The following MAPKBP1 variants were observed in gnomAD, a reference collection of about 807,000 sequenced individuals.
MAPKBP1 encodes the protein mitogen-activated protein kinase-binding protein 1.
MAPKBP1 carries 71 observed loss-of-function variants against 170.5 expected under a neutral mutation model. That is an observed-to-expected ratio of 0.42 (90% CI 0.34 to 0.51). The LOEUF (loss-of-function observed/expected upper bound fraction) is 0.51. Ranked by LOEUF, MAPKBP1 falls within the 20% of genes least tolerant of loss-of-function variation. The pLI, the probability that MAPKBP1 is intolerant of heterozygous loss-of-function variation, is 0.06. For synonymous variants in MAPKBP1, 719 were observed against 757.9 expected (o/e 0.95, Z 0.84); for missense variants, 1,598 against 1,933.0 (o/e 0.83, Z 3.25).
rs1491473618 is a variant in MAPKBP1 at position 41,808,123 on chromosome 15, T to TG, written c.207-2759dup. Among the ~76,000 whole-genome samples, 3 of 99,800 alleles carry TG rather than the reference T, an allele frequency of 3.0e-5. No homozygotes were observed. In the Admixed American group the frequency reaches 3.2e-4, roughly 11 times the overall value. 65.5% of individuals were successfully genotyped at this position (99,800 alleles called of 152,430 possible). A position where few individuals can be genotyped will look rare whatever the true frequency, so the allele number is the denominator to read the frequency against. On this transcript the variant is annotated intron_variant, in intron 3 of 30. Coordinates refer to ENST00000457542, the MANE Select transcript of MAPKBP1 (RefSeq NM_014994.3). ...TTTCTTTCTTTTTTTTTTTTTTTTT[T>TG]GTAGACCTAGTCTCGCTCTGTCACC...
chr15:41,822,790 C>A (rs2065022972), intron 27 of MAPKBP1, 113 bp downstream of exon 27: 5 of 1,474,390 alleles, frequency 3.4e-6, no homozygotes, highest in African/African-American at 2.8e-5. Context: ...TTTTGCACTC[C>A]CAGTTTTGGG....
intron 2 of MAPKBP1, among the ~76,000 whole-genome samples, chr15:41,784,290 T>C (rs959340328): frequency 1.3e-5 from 2 of 152,148 alleles, no homozygotes; most frequent in Non-Finnish European, 2.9e-5. Context: ...ACAGCAGCTG[T>C]CACTGAGATA....
At chr15:41,819,547 C>CAGGGGG (rs765528665) in intron 21 of MAPKBP1, 48 bp from the exon 22 acceptor site, 19 of 1,235,824 alleles carry the variant, frequency 1.5e-5, no homozygotes, top group Middle Eastern at 2.3e-4. Flanking sequence ...GGTTGGGTGG[C>CAGGGGG]GGGGGGGGGG....
At chr15:41,813,598 G>C (rs2064841205) in intron 8 of MAPKBP1, 23 bp from the exon 9 acceptor site, 1 of 1,610,036 alleles carries the variant, frequency 6.2e-7, no homozygotes, top group Non-Finnish European at 8.5e-7. Context: ...TGGCCTTGCT[G>C]AGCTGAGCCA....
intron 2 of MAPKBP1, among the ~76,000 whole-genome samples, chr15:41,790,910 T>C (rs763201390): frequency 5.5e-4 from 84 of 152,336 alleles, no homozygotes; most frequent in Middle Eastern, 3.4e-3. Context: ...CCCTACTGTC[T>C]AAGTCTCTGC....
intron 3 of MAPKBP1, among the ~76,000 whole-genome samples, chr15:41,802,742 G>A (rs977311145): frequency 1.3e-5 from 2 of 152,146 alleles, no homozygotes; most frequent in African/African-American, 4.8e-5. Context: ...CCAAAGTGCT[G>A]GCATTACAGG....
chr15:41,821,381 C>G, intron 23 of MAPKBP1: 2 of 614,040 alleles, frequency 3.3e-6, no homozygotes, highest in Non-Finnish European at 5.7e-6. Context: ...TCCAGAAGCT[C>G]ACATCAGCAA....
intron 5 of MAPKBP1, chr15:41,811,563 T>G (rs895013947): frequency 4.7e-6 from 3 of 632,024 alleles, no homozygotes; most frequent in Non-Finnish European, 2.9e-6. Context: ...AACCACTGCC[T>G]TAACTATTCC....
chr15:41,821,532 A>C (rs1360787083), intron 23 of MAPKBP1, 52 bp from the exon 24 acceptor site: 11 of 1,555,158 alleles, frequency 7.1e-6, no homozygotes, highest in Non-Finnish European at 9.7e-6. Context: ...CCCAGCTACC[A>C]CTGCCTCATC....
chr15:41,780,723 C>T (rs145166904), intron 2 of MAPKBP1, among the ~76,000 whole-genome samples: 255 of 151,298 alleles, frequency 1.7e-3, no homozygotes, highest in African/African-American at 5.8e-3. Flanking sequence ...GTGTTTATTA[C>T]CCCATTTGTG....
intron 2 of MAPKBP1, among the ~76,000 whole-genome samples, chr15:41,786,570 GT>G: frequency 6.6e-6 from 1 of 150,840 alleles, no homozygotes; most frequent in Non-Finnish European, 1.5e-5. Flanking sequence ...AGAGACCATT[GT>G]GGCTAACACG....
At chr15:41,815,506 C>CA in intron 11 of MAPKBP1, 101 bp downstream of exon 11, 2 of 1,556,600 alleles carry the variant, frequency 1.3e-6, no homozygotes, top group Non-Finnish European at 8.7e-7. Context: ...CCTTGGCCTT[C>CA]CAGCCTTCAT....
intron 2 of MAPKBP1, among the ~76,000 whole-genome samples, chr15:41,788,488 G>T (rs1311662431): frequency 6.6e-6 from 1 of 152,160 alleles, no homozygotes; most frequent in Non-Finnish European, 1.5e-5. Flanking sequence ...AGGTGCTGCT[G>T]TAAGAGTACG....
chr15:41,822,217 A>G lies in MAPKBP1; in HGVS notation c.3032-8A>G. 6.2e-7 allele frequency: 1 copy of G among 1,609,926 alleles called. No individual in the cohort carries two copies. Among genetic ancestry groups the G allele is most frequent in the Non-Finnish European group, 8.5e-7 (1 of 1,177,200 alleles). On this transcript the variant is annotated splice_polypyrimidine_tract_variant and splice_region_variant and intron_variant, in intron 25 of 30. Transcript: ENST00000457542. ...AGTGCGATGCCTCTCTCCCCTCCCC[A>G]CACCCAGACTCTGAGAGCACGGAGC...
rs1459353623 is a variant in MAPKBP1 at position 41,826,579 on chromosome 15, C to T, written c.*1143C>T. On this transcript the variant is annotated 3_prime_UTR_variant, in exon 31 of 31. Transcript: ENST00000457542. ...ACTAAGTGAACCCAGATTCTGGATT[C>T]TTGGTGTCCACAGCCTAGCTGATAC... is the stretch of plus-strand genomic sequence containing the variant. 6.6e-6 allele frequency: 1 copy of T among 151,834 alleles called. No individual in the cohort carries two copies. Among genetic ancestry groups the T allele is most frequent in the African/African-American group, 2.4e-5 (1 of 41,308 alleles). The allele number at this position is 151,834 out of a possible 1,614,324, so 9.4% of individuals were successfully genotyped here. A position where few individuals can be genotyped will look rare whatever the true frequency, so the allele number is the denominator to read the frequency against.
Position 41,810,873 on chromosome 15 carries a change from A to G in MAPKBP1, c.207-10A>G, listed in dbSNP as rs757300762. The G allele has an allele frequency of 5.0e-6, 8 of 1,614,062 alleles. No homozygotes were observed. The highest frequency in any genetic ancestry group is 1.7e-5 in the Admixed American group (1 of 60,006). ...TTGCTGCTGAGCCTGTTGTCTGCTCATCTCCTCAGGTGTGTGGTTGTGTTG... is the reference window on the plus strand; with the variant it reads ...TTGCTGCTGAGCCTGTTGTCTGCTCGTCTCCTCAGGTGTGTGGTTGTGTTG... On this transcript the variant is annotated splice_polypyrimidine_tract_variant and intron_variant, in intron 3 of 30. Coordinates refer to ENST00000457542, the MANE Select transcript of MAPKBP1 (RefSeq NM_014994.3).
At chr15:41,789,625 A>G (rs1448109434) in intron 2 of MAPKBP1, among the ~76,000 whole-genome samples, 13 of 152,152 alleles carry the variant, frequency 8.5e-5, no homozygotes, top group Non-Finnish European at 1.9e-4. Context: ...ATTTGGCTAT[A>G]GCATAGGCTG....
chr15:41,815,135 T>C, intron 10 of MAPKBP1, 124 bp from the exon 11 acceptor site: 2 of 1,151,094 alleles, frequency 1.7e-6, no homozygotes, highest in Middle Eastern at 2.0e-4. Context: ...GTATGGCCTG[T>C]GACAGGCACT....
At chr15:41,812,223 C>A (rs916499360) in intron 6 of MAPKBP1, 96 bp downstream of exon 6, 3 of 1,458,070 alleles carry the variant, frequency 2.1e-6, no homozygotes, top group East Asian at 4.5e-5. Context: ...CCATTCCACC[C>A]CACTGAACCA....
Sources: allele counts gnomAD v4.1 joint callset (sites outside exome capture counted in the v4.1 genomes callset), GRCh38; gene constraint gnomAD v4.1.1; transcripts MANE v1.5; gene names NCBI Gene and HGNC (gene_info 2026-07-23, HGNC 2026-07-21).